The following EFCAB5 variants were observed in gnomAD, a reference collection of about 807,000 sequenced individuals.
EFCAB5 encodes EF-hand calcium binding domain 5, also known as EF-hand calcium-binding domain-containing protein 5.
A neutral mutation model predicts 167.9 loss-of-function variants in EFCAB5; 131 were observed. The ratio of observed to expected loss-of-function variants is 0.78; its 90% CI spans 0.68 to 0.90. The LOEUF is 0.90. Ranked by LOEUF, EFCAB5 falls within the 40% of genes least tolerant of loss-of-function variation. EFCAB5 has a pLI of 0.00. For missense variants in EFCAB5, 1,663 were observed against 1,745.2 expected (o/e 0.95, Z 0.84); for synonymous variants, 574 against 602.8 (o/e 0.95, Z 0.70).
chr17:30,050,501 G>A (rs1268346978), intron 8 of EFCAB5, among the ~76,000 whole-genome samples: 1 of 152,180 alleles, frequency 6.6e-6, no homozygotes, highest in Non-Finnish European at 1.5e-5. Context: ...CTGGACTGCA[G>A]TGACATGATC....
intron 3 of EFCAB5, among the ~76,000 whole-genome samples, chr17:29,954,324 T>C (rs1394120620): frequency 6.6e-6 from 1 of 152,008 alleles, no homozygotes; most frequent in Non-Finnish European, 1.5e-5. Flanking sequence ...GGAGGGAAAA[T>C]GGTTTCATAG....
At chr17:29,947,983 G>C (rs560844901) in intron 3 of EFCAB5, among the ~76,000 whole-genome samples, 1 of 151,970 alleles carries the variant, frequency 6.6e-6, no homozygotes, top group Non-Finnish European at 1.5e-5. Flanking sequence ...CTGCCACTCT[G>C]CCCATCTAAT....
At chr17:29,968,438 A>G (rs2067878541) in intron 3 of EFCAB5, 2 of 396,480 alleles carry the variant, frequency 5.0e-6, no homozygotes, top group East Asian at 7.5e-5. Flanking sequence ...CAGAGCCTCA[A>G]GAGGAGAAAA....
intron 7 of EFCAB5, among the ~76,000 whole-genome samples, chr17:30,006,930 T>C (rs1342886623): frequency 6.6e-6 from 1 of 152,212 alleles, no homozygotes; most frequent in East Asian, 1.9e-4. Context: ...GTGCTGGGAT[T>C]ATAGGTGTGA....
chr17:30,105,297 G>A (rs2071434479), intron 22 of EFCAB5, among the ~76,000 whole-genome samples: 1 of 151,996 alleles, frequency 6.6e-6, no homozygotes, highest in Non-Finnish European at 1.5e-5. Flanking sequence ...GACCAGCCTG[G>A]CCAACATGAT....
intron 4 of EFCAB5, among the ~76,000 whole-genome samples, chr17:29,976,964 G>A (rs1224854068): frequency 3.3e-5 from 5 of 152,134 alleles, no homozygotes; most frequent in African/African-American, 1.2e-4. Flanking sequence ...TATGTGCAAT[G>A]TAATTTACTA....
At chr17:29,995,038 T>C (rs574102370) in intron 5 of EFCAB5, among the ~76,000 whole-genome samples, 10 of 152,290 alleles carry the variant, frequency 6.6e-5, no homozygotes, top group African/African-American at 2.4e-4. Flanking sequence ...GATTTCTCAT[T>C]GAAACTCTCA....
chr17:29,937,091 T>G (rs1407282644), upstream of EFCAB5, among the ~76,000 whole-genome samples: 1 of 152,144 alleles, frequency 6.6e-6, no homozygotes, highest in Non-Finnish European at 1.5e-5. Context: ...CTGATAAAAT[T>G]TACAGTAATC....
intron 10 of EFCAB5, among the ~76,000 whole-genome samples, chr17:30,054,439 G>A (rs902842384): frequency 6.6e-6 from 1 of 152,108 alleles, no homozygotes; most frequent in African/African-American, 2.4e-5. Context: ...GGTAGTAGAA[G>A]CCCTTTTGTT....
chr17:29,979,411 C>T (rs2068127454), intron 4 of EFCAB5, among the ~76,000 whole-genome samples: 1 of 152,170 alleles, frequency 6.6e-6, no homozygotes, highest in East Asian at 1.9e-4. Flanking sequence ...CTGAGCTACC[C>T]AGCATATAGT....
rs557401923 is a variant in EFCAB5 at position 30,047,337 on chromosome 17, A to G, written c.1201-3781A>G. On this transcript the variant is annotated intron_variant, in intron 8 of 22. Transcript: ENST00000394835. ...ATGACATTCCCTTGAGAAATAACTA[A>G]AGAAATTAACGAGGGGAGCACCAAT... Among the ~76,000 whole-genome samples, 6 of 152,246 alleles carry G rather than the reference A, an allele frequency of 3.9e-5. No homozygotes were observed. In the South Asian group the frequency reaches 1.2e-3, roughly 32 times the overall value.
chr17:30,046,102 C>T (rs1327305972), intron 8 of EFCAB5, among the ~76,000 whole-genome samples: 1 of 152,056 alleles, frequency 6.6e-6, no homozygotes, highest in Non-Finnish European at 1.5e-5. Flanking sequence ...AGAATAATCA[C>T]CACCTTTGGA....
At chr17:29,949,101 A>G (rs533091520) in intron 3 of EFCAB5, among the ~76,000 whole-genome samples, 1 of 152,318 alleles carries the variant, frequency 6.6e-6, no homozygotes, top group Non-Finnish European at 1.5e-5. Context: ...CACTAATGTT[A>G]TATGCCTCCT....
chr17:30,047,275 T>C (rs957321208), intron 8 of EFCAB5, among the ~76,000 whole-genome samples: 1 of 152,206 alleles, frequency 6.6e-6, no homozygotes, highest in African/African-American at 2.4e-5. Flanking sequence ...GTAGCCTCTA[T>C]ATGTGCACTT....
intron 7 of EFCAB5, among the ~76,000 whole-genome samples, chr17:30,003,644 C>T (rs574608132): frequency 9.4e-5 from 14 of 149,076 alleles, no homozygotes; most frequent in Non-Finnish European, 1.6e-4. Context: ...TCAAAATTTT[C>T]GTTTTTCTTC....
chr17:30,056,193 T>A, intron 12 of EFCAB5, 37 bp downstream of exon 12: 5 of 1,541,390 alleles, frequency 3.2e-6, no homozygotes, highest in Non-Finnish European at 4.4e-6. Context: ...TAGATGGCAG[T>A]CCAATAGATG....
intron 8 of EFCAB5, among the ~76,000 whole-genome samples, chr17:30,034,804 G>A (rs112016005): frequency 4.6e-5 from 7 of 152,262 alleles, no homozygotes; most frequent in South Asian, 2.1e-4. Flanking sequence ...CTTCCTAGCA[G>A]TGAATGTGAA....
At chr17:30,022,675 C>T (rs574831941) in intron 7 of EFCAB5, among the ~76,000 whole-genome samples, 7 of 152,090 alleles carry the variant, frequency 4.6e-5, no homozygotes, top group African/African-American at 1.7e-4. Context: ...AATTCATATA[C>T]TGACGGAAAC....
intron 1 of EFCAB5, among the ~76,000 whole-genome samples, chr17:29,931,690 G>A (rs756219538): frequency 6.6e-6 from 1 of 152,150 alleles, no homozygotes; most frequent in Non-Finnish European, 1.5e-5. Context: ...CAATGCATGG[G>A]AGACCAAAGA....
Sources: allele counts gnomAD v4.1 joint callset (sites outside exome capture counted in the v4.1 genomes callset), GRCh38; gene constraint gnomAD v4.1.1; transcripts MANE v1.5; gene names NCBI Gene and HGNC (gene_info 2026-07-23, HGNC 2026-07-21).